PRKD1: variants seen among roughly 807,000 people sequenced by gnomAD.
The protein encoded by PRKD1 is serine/threonine-protein kinase D1.
Under a neutral mutation model 95.9 loss-of-function variants are expected in PRKD1, and 63 were observed. That is an observed-to-expected ratio of 0.66 (90% CI 0.54 to 0.81). The LOEUF (loss-of-function observed/expected upper bound fraction) is 0.81. PRKD1 is among the 30% of genes least tolerant of loss of function. PRKD1 has a pLI of 0.00. For synonymous variants in PRKD1, 425 were observed against 423.1 expected, an observed-to-expected ratio of 1.00 and a Z score of -0.05; for missense variants, 1,048 against 1,165.3, an observed-to-expected ratio of 0.90 and a Z score of 1.47.
chr14:29,826,843 A>ATATATATATG (rs1891206140), intron 1 of PRKD1, among the ~76,000 whole-genome samples: 2 of 14,234 alleles, frequency 1.4e-4, no homozygotes, highest in Non-Finnish European at 3.1e-4. Flanking sequence ...ATATATACAC[A>ATATATATATG]CATATATATA....
chr14:29,897,377 C>T (rs1047680487), intron 1 of PRKD1, among the ~76,000 whole-genome samples: 4 of 152,058 alleles, frequency 2.6e-5, no homozygotes, highest in Non-Finnish European at 5.9e-5. Context: ...GGTATTACCG[C>T]ACAAATAATC....
chr14:29,703,037 A>C (rs1159572072), intron 2 of PRKD1, among the ~76,000 whole-genome samples: 1 of 152,040 alleles, frequency 6.6e-6, no homozygotes, highest in African/African-American at 2.4e-5. Flanking sequence ...TACTTTGAGG[A>C]ATTTATTAAG....
intron 16 of PRKD1, among the ~76,000 whole-genome samples, chr14:29,579,574 T>C (rs563156208): frequency 1.3e-5 from 2 of 152,238 alleles, no homozygotes; most frequent in South Asian, 4.1e-4. Context: ...GACCTGAAGA[T>C]ACAGACTGTC....
intron 1 of PRKD1, among the ~76,000 whole-genome samples, chr14:29,814,991 A>T (rs996723342): frequency 3.3e-5 from 5 of 152,194 alleles, no homozygotes; most frequent in African/African-American, 1.2e-4. Context: ...AGATGAACAA[A>T]CCCAAAGTGT....
rs34250184 is a variant in PRKD1, at chr14:29,808,373, C to CT, written c.265-82700dup. ...AATTCGGTCCTACTTTCAGGCTCTACTTTTTTTTTTTTTTTTTTTTTTTTT... is the reference window on the plus strand; with the variant it reads ...AATTCGGTCCTACTTTCAGGCTCTACTTTTTTTTTTTTTTTTTTTTTTTTTT... On this transcript the variant is annotated intron_variant, in intron 1 of 17. Transcript: ENST00000331968. 1.6e-3 allele frequency among the ~76,000 whole-genome samples: 32 copies of CT among 20,010 alleles called. 11 individuals are homozygous for CT. Among genetic ancestry groups the CT allele is most frequent in the Non-Finnish European group, 2.2e-3 (21 of 9,486 alleles). The allele number at this position is 20,010 out of a possible 152,430, so 13.1% of individuals were successfully genotyped here.
intron 3 of PRKD1, among the ~76,000 whole-genome samples, chr14:29,665,013 A>G (rs1882405568): frequency 6.6e-6 from 1 of 152,218 alleles, no homozygotes; most frequent in Admixed American, 6.5e-5. Flanking sequence ...AGCACCATAT[A>G]GGGGTGAAAC....
intron 4 of PRKD1, among the ~76,000 whole-genome samples, chr14:29,641,419 A>C (rs1880756060): frequency 6.6e-6 from 1 of 152,206 alleles, no homozygotes; most frequent in East Asian, 1.9e-4. Flanking sequence ...AAAGCTTTAC[A>C]ATCTTGACAC....
chr14:29,861,494 A>C (rs1431737686), intron 1 of PRKD1, among the ~76,000 whole-genome samples: 6 of 152,232 alleles, frequency 3.9e-5, no homozygotes, highest in Non-Finnish European at 2.9e-5. Context: ...GCAATGCATA[A>C]TAATCACATC....
chr14:29,897,803 CA>C (rs1401530945), intron 1 of PRKD1, among the ~76,000 whole-genome samples: 5 of 151,924 alleles, frequency 3.3e-5, no homozygotes, highest in Non-Finnish European at 7.4e-5. Flanking sequence ...CTTTTCTTTT[CA>C]AAAGAAAGTT....
chr14:29,742,658 C>T (rs1004995034), intron 1 of PRKD1, among the ~76,000 whole-genome samples: 1 of 152,082 alleles, frequency 6.6e-6, no homozygotes. Context: ...ATGTTCTTTG[C>T]TTTAGGATAC....
At chr14:29,678,198 T>C (rs1566533851) in intron 2 of PRKD1, among the ~76,000 whole-genome samples, 1 of 152,120 alleles carries the variant, frequency 6.6e-6, no homozygotes, top group Non-Finnish European at 1.5e-5. Flanking sequence ...AAATAAAACA[T>C]CATTAATTGC....
At chr14:29,682,085 C>T (rs988779616) in intron 2 of PRKD1, among the ~76,000 whole-genome samples, 1 of 152,130 alleles carries the variant, frequency 6.6e-6, no homozygotes, top group African/African-American at 2.4e-5. Flanking sequence ...GATGATTGCA[C>T]ATAATTTGAT....
chr14:29,652,374 G>T (rs759172220), intron 4 of PRKD1, among the ~76,000 whole-genome samples: 9 of 152,178 alleles, frequency 5.9e-5, no homozygotes, highest in Non-Finnish European at 1.0e-4. Context: ...GAACTCTCCA[G>T]TAGTATTCAC....
At position 29,927,769 on chromosome 14, in the gene PRKD1, G is replaced by C. The variant is rs1325070979; in HGVS notation, c.-257C>G. On this transcript the variant is annotated 5_prime_UTR_variant, in exon 1 of 18. Coordinates refer to ENST00000331968, the MANE Select transcript of PRKD1 (RefSeq NM_002742.3). ...TCTGAGGCCCGGAACGCGGCAGCCG[G>C]CTCGGGGCCGCCGGCACTGGGGAGG... is the stretch of plus-strand genomic sequence containing the variant. The C allele has an allele frequency of 1.7e-5, 3 of 174,250 alleles. No homozygotes were observed. The highest frequency in any genetic ancestry group is 7.1e-5 in the African/African-American group (3 of 42,032). The allele number at this position is 174,250 out of a possible 1,614,324, so 10.8% of individuals were successfully genotyped here.
At chr14:29,642,210 A>C (rs1352303064) in intron 4 of PRKD1, among the ~76,000 whole-genome samples, 1 of 152,106 alleles carries the variant, frequency 6.6e-6, no homozygotes, top group Non-Finnish European at 1.5e-5. Flanking sequence ...GGCCGGCAAA[A>C]GTATTTCTAA....
chr14:29,629,025 G>A lies in PRKD1; in HGVS notation c.1725+16C>T. 3 of 1,519,640 alleles carry A rather than the reference G, an allele frequency of 2.0e-6. No individual in the cohort carries two copies. Among genetic ancestry groups the A allele is most frequent in the African/African-American group, 1.4e-5 (1 of 71,414 alleles). The allele number at this position is 1,519,640 out of a possible 1,614,324, so 94.1% of individuals were successfully genotyped here. A position where few individuals can be genotyped will look rare whatever the true frequency, so the allele number is the denominator to read the frequency against. On this transcript the variant is annotated intron_variant, in intron 11 of 17. Transcript: ENST00000331968. ...AATCACATTAGCAAGTTTTATATTA[G>A]TAGGTACATACTTACCACATTTTCT...
intron 1 of PRKD1, among the ~76,000 whole-genome samples, chr14:29,855,753 CT>C (rs2139348047): frequency 6.6e-6 from 1 of 152,224 alleles, no homozygotes; most frequent in African/African-American, 2.4e-5. Context: ...GAGGGCTAGT[CT>C]TTCCCATGCT....
In PRKD1 at chr14:29,725,487, A is replaced by G. The variant is rs1886093567; in HGVS notation, c.403+49T>C. Reference sequence around the variant, plus strand: ...AAAACATATGCCCAAGAATTCTTCAAATACAACTTCTAATCTACGGATAAA... The same window carrying G: ...AAAACATATGCCCAAGAATTCTTCAGATACAACTTCTAATCTACGGATAAA... On this transcript the variant is annotated intron_variant, in intron 2 of 17. Coordinates refer to ENST00000331968, the MANE Select transcript of PRKD1 (RefSeq NM_002742.3). 5.7e-6 allele frequency: 9 copies of G among 1,581,798 alleles called. No homozygotes were observed. The East Asian group carries it at 2.0e-4, about 36-fold the overall frequency.
chr14:29,660,810 G>A (rs540078825), intron 4 of PRKD1, among the ~76,000 whole-genome samples: 7 of 152,006 alleles, frequency 4.6e-5, no homozygotes, highest in Admixed American at 3.3e-4. Flanking sequence ...CCATAAAACT[G>A]ATATAATTTG....
Sources: allele counts gnomAD v4.1 joint callset (sites outside exome capture counted in the v4.1 genomes callset), GRCh38; gene constraint gnomAD v4.1.1; transcripts MANE v1.5; gene names NCBI Gene and HGNC (gene_info 2026-07-23, HGNC 2026-07-21).